Variants in PDZD2 observed in about 807,000 individuals in gnomAD.
The protein encoded by PDZD2 is PDZ domain containing 2.
In PDZD2, 90 loss-of-function variants were observed where a neutral mutation model predicts 220.7. The ratio of observed to expected loss-of-function variants is 0.41; its 90% CI spans 0.34 to 0.49. The LOEUF is 0.49. Among genes scored for constraint, PDZD2 ranks in the 20% least tolerant of loss-of-function variants. PDZD2 has a pLI of 0.28. For missense variants in PDZD2, 3,174 were observed against 3,608.5 expected, an observed-to-expected ratio of 0.88 and a Z score of 3.08; for synonymous variants, 1,375 against 1,450.5, an observed-to-expected ratio of 0.95 and a Z score of 1.18.
At chr5:32,068,710 A>G (rs1041601265) in intron 14 of PDZD2, among the ~76,000 whole-genome samples, 3 of 152,318 alleles carry the variant, frequency 2.0e-5, no homozygotes, top group Admixed American at 1.3e-4. Context: ...GAATTTGACA[A>G]TAGTATCATG....
chr5:31,870,197 A>T (rs1325132894), intron 2 of PDZD2, among the ~76,000 whole-genome samples: 2 of 152,124 alleles, frequency 1.3e-5, no homozygotes, highest in East Asian at 1.9e-4. Context: ...TCACCTGCTG[A>T]GGGAAAAGGG....
intron 1 of PDZD2, among the ~76,000 whole-genome samples, chr5:31,714,423 G>A (rs1270188918): frequency 6.6e-6 from 1 of 152,178 alleles, no homozygotes; most frequent in Non-Finnish European, 1.5e-5. Context: ...GTAGATGGAT[G>A]GGGGATGTTT....
chr5:31,944,790 G>C (rs567560745), intron 2 of PDZD2, among the ~76,000 whole-genome samples: 10 of 152,326 alleles, frequency 6.6e-5, no homozygotes, highest in African/African-American at 2.4e-4. Flanking sequence ...CTGGGAAGCA[G>C]CTGCAGCTGC....
At chr5:31,676,884 G>A (rs1366471519) in intron 1 of PDZD2, among the ~76,000 whole-genome samples, 1 of 151,946 alleles carries the variant, frequency 6.6e-6, no homozygotes, top group Non-Finnish European at 1.5e-5. Context: ...ACTCGTCTAA[G>A]GCATACGGCT....
intron 6 of PDZD2, 136 bp downstream of exon 6, chr5:32,010,618 A>G (rs1753217731): frequency 5.4e-6 from 4 of 746,552 alleles, no homozygotes; most frequent in South Asian, 1.4e-5. Context: ...CATTCTTTCT[A>G]TGTTTTTCTC....
intron 2 of PDZD2, among the ~76,000 whole-genome samples, chr5:31,898,932 A>G (rs1264481578): frequency 3.4e-5 from 5 of 146,626 alleles, no homozygotes; most frequent in Admixed American, 7.0e-5. Flanking sequence ...GGTACACGCC[A>G]TTCTCCTGCC....
intron 2 of PDZD2, chr5:31,820,439 T>C (rs578025237): frequency 6.6e-6 from 1 of 152,362 alleles, no homozygotes; most frequent in South Asian, 2.1e-4. Context: ...TTCCTCCTTA[T>C]TAAGTGGTCT....
chr5:31,926,356 A>T (rs1744761280), intron 2 of PDZD2, among the ~76,000 whole-genome samples: 1 of 149,990 alleles, frequency 6.7e-6, no homozygotes, highest in South Asian at 2.1e-4. Flanking sequence ...GCAAAACCCC[A>T]TCTCTACTAA....
intron 2 of PDZD2, among the ~76,000 whole-genome samples, chr5:31,827,036 G>A (rs941902498): frequency 5.9e-5 from 9 of 152,128 alleles, no homozygotes; most frequent in East Asian, 1.9e-4. Flanking sequence ...AGAAAGGAGC[G>A]TAACCTTCCT....
At position 32,087,784 on chromosome 5, in the gene PDZD2, A is replaced by C. The variant is rs1332247432; in HGVS notation, c.4336A>C (p.Thr1446Pro). ...TGCAGCAAGGTCTCCGTCTTCCCAGACGGGGGACAGTGGCTCTCAGGAGGG... is the reference window on the plus strand; with the variant it reads ...TGCAGCAAGGTCTCCGTCTTCCCAGCCGGGGGACAGTGGCTCTCAGGAGGG... ...ASAARSPSSQ[T>P]GDSGSQEGSA... Residue 1446 changes from threonine to proline, a missense_variant, in exon 20 of 25, where the codon ACG (threonine) becomes CCG (proline). Coordinates refer to ENST00000438447, the MANE Select transcript of PDZD2 (RefSeq NM_178140.4). This position sits in a 1 kb window ranked among gnomAD's most constrained non-coding sequence, Gnocchi z 4.0. 1 of 1,613,822 alleles carries C rather than the reference A, an allele frequency of 6.2e-7. No homozygotes were observed. Among genetic ancestry groups the C allele is most frequent in the Admixed American group, 1.7e-5 (1 of 59,992 alleles).
rs566546493 is a variant in PDZD2 at position 31,894,172 on chromosome 5, C to G, written c.477-88983C>G. Among the ~76,000 whole-genome samples the G allele has an allele frequency of 1.1e-4, 17 of 149,434 alleles. No homozygotes were observed. In the Admixed American group the frequency reaches 1.2e-3, roughly 10 times the overall value. ...AGGTGATCCACTCATCTCAGCCTCC[C>G]AAAGTGCTGGGGTTACAGACGTGAG... On this transcript the variant is annotated intron_variant, in intron 2 of 24. Coordinates refer to ENST00000438447, the MANE Select transcript of PDZD2 (RefSeq NM_178140.4).
At chr5:32,071,446 T>C (rs1467969083) in intron 16 of PDZD2, 28 bp downstream of exon 16, 2 of 1,575,392 alleles carry the variant, frequency 1.3e-6, no homozygotes, top group South Asian at 2.2e-5. Context: ...GCTACCTGCC[T>C]CCCTCAGCTG....
intron 2 of PDZD2, among the ~76,000 whole-genome samples, chr5:31,850,108 GTATA>G (rs1230154726): frequency 1.5e-5 from 2 of 135,408 alleles, no homozygotes; most frequent in East Asian, 4.2e-4. Context: ...GTATATATAA[GTATA>G]TATACGTGTA....
chr5:32,090,507 C>G lies in PDZD2; in HGVS notation c.7059C>G (p.Ala2353=), dbSNP rs148972263. ...ENLANADRPV[A]KSGASPFLSV... The stretch of plus-strand genomic sequence containing the variant: ...TGGCCAATGCTGACCGGCCTGTAGC[C>G]AAGTCCGGGGCTTCCCCATTTTTGT... The change falls in exon 20 of 25, where the codon GCC becomes GCG. Residue 2353 remains alanine (A), a synonymous_variant. Coordinates refer to ENST00000438447, the MANE Select transcript of PDZD2 (RefSeq NM_178140.4). The surrounding 1 kb of genome is among the most constrained non-coding windows in gnomAD (Gnocchi z 4.3). 2.7e-5 allele frequency: 44 copies of G among 1,613,950 alleles called. No homozygotes were observed. Among genetic ancestry groups the G allele is most frequent in the Admixed American group, 8.3e-5 (5 of 60,004 alleles).
At chr5:31,865,448 G>GACC (rs1738126022) in intron 2 of PDZD2, among the ~76,000 whole-genome samples, 1 of 151,440 alleles carries the variant, frequency 6.6e-6, no homozygotes, top group Non-Finnish European at 1.5e-5. Context: ...AAGTAGTTGG[G>GACC]ACCACAGGTG....
chr5:31,812,841 G>A (rs771577499), intron 2 of PDZD2, among the ~76,000 whole-genome samples: 11 of 152,208 alleles, frequency 7.2e-5, no homozygotes, highest in African/African-American at 2.2e-4. Context: ...CCAGCCTCCC[G>A]AAGTGCTGGT....
intron 1 of PDZD2, among the ~76,000 whole-genome samples, chr5:31,765,192 C>G (rs1580711188): frequency 6.6e-6 from 1 of 152,304 alleles, no homozygotes; most frequent in Non-Finnish European, 1.5e-5. Context: ...ATAACCCAGA[C>G]CTCATCCACT....
At chr5:31,746,431 G>A (rs1195270766) in intron 1 of PDZD2, among the ~76,000 whole-genome samples, 1 of 152,220 alleles carries the variant, frequency 6.6e-6, no homozygotes, top group African/African-American at 2.4e-5. Context: ...GGGTGCAGAA[G>A]TGGGAGTGGA....
chr5:31,949,431 T>G (rs1185664224), intron 2 of PDZD2, among the ~76,000 whole-genome samples: 1 of 152,138 alleles, frequency 6.6e-6, no homozygotes, highest in Admixed American at 6.5e-5. Flanking sequence ...TGACAGAATT[T>G]TGGAAAGCTC....
Sources: allele counts gnomAD v4.1 joint callset (sites outside exome capture counted in the v4.1 genomes callset), GRCh38; gene constraint gnomAD v4.1.1; non-coding constraint Gnocchi (gnomAD v3.1); transcripts MANE v1.5; gene names NCBI Gene and HGNC (gene_info 2026-07-23, HGNC 2026-07-21).